Variants in ZNF706 observed in about 807,000 individuals in gnomAD.
ZNF706 encodes the protein transcriptional regulator ZNF706.
A neutral mutation model predicts 9.2 loss-of-function variants in ZNF706; 4 were observed. That is an observed-to-expected ratio of 0.43 (90% CI 0.21 to 0.99). The LOEUF (loss-of-function observed/expected upper bound fraction) is 0.99, where lower values mean the gene tolerates loss of function less well. Ranked by LOEUF, ZNF706 falls within the 50% of genes least tolerant of loss-of-function variation. ZNF706 has a pLI of 0.26. For missense variants in ZNF706, 27 were observed against 87.8 expected (o/e 0.31, Z 2.77); for synonymous variants, 28 against 27.3 (o/e 1.03, Z -0.08).
rs1239982225 is a variant in ZNF706 at position 101,205,391 on chromosome 8, C to G, written c.-3+44G>C. ...CCGCTGGCCGGCCCCCGCCCCGTTT[C>G]CCGGGCGTCCCGCGGCGTCAGCACC... On this transcript the variant is annotated intron_variant, in intron 1 of 3. Coordinates refer to ENST00000311212, the MANE Select transcript of ZNF706 (RefSeq NM_016096.5). This position sits in a 1 kb window ranked among gnomAD's most constrained non-coding sequence, Gnocchi z 6.6. 1 of 151,146 alleles carries G rather than the reference C, an allele frequency of 6.6e-6. No homozygotes were observed. The highest frequency in any genetic ancestry group is 6.6e-5 in the Admixed American group (1 of 15,188). 9.4% of individuals were successfully genotyped at this position (151,146 alleles called of 1,614,324 possible).
intron 2 of ZNF706, chr8:101,200,900 G>A: frequency 5.3e-6 from 1 of 190,182 alleles, no homozygotes; most frequent in Non-Finnish European, 1.2e-5. Flanking sequence ...GGTCCAGAGG[G>A]TGGACTCTGG....
Position 101,201,502 on chromosome 8 carries a change from C to G in ZNF706, c.135+105G>C, listed in dbSNP as rs1220438856. 2.0e-6 allele frequency: 2 copies of G among 1,022,768 alleles called. No homozygotes were observed. The highest frequency in any genetic ancestry group is 4.9e-5 in the East Asian group (2 of 40,528). 63.4% of individuals were successfully genotyped at this position (1,022,768 alleles called of 1,614,324 possible). A position where few individuals can be genotyped will look rare whatever the true frequency, so the allele number is the denominator to read the frequency against. Reference sequence around the variant, plus strand: ...CTAAAATAATCAGCTCTCAAACCTACTATTTCATGTAAAGCATCTATTTTG... The same window carrying G: ...CTAAAATAATCAGCTCTCAAACCTAGTATTTCATGTAAAGCATCTATTTTG... On this transcript the variant is annotated intron_variant, in intron 2 of 3. Transcript: ENST00000311212. The surrounding 1 kb of genome is among the most constrained non-coding windows in gnomAD (Gnocchi z 4.5).
intron 3 of ZNF706, 89 bp from the exon 4 acceptor site, chr8:101,199,328 T>C: frequency 1.5e-6 from 1 of 687,048 alleles, no homozygotes; most frequent in Admixed American, 2.1e-5. Context: ...AGAAACACTA[T>C]GAAGATAATA....
intron 1 of ZNF706, chr8:101,202,795 T>C (rs1005581968): frequency 2.6e-5 from 4 of 152,228 alleles, no homozygotes; most frequent in Non-Finnish European, 4.4e-5. Context: ...ATCATTTACT[T>C]GATCACTCTG....
intron 1 of ZNF706, chr8:101,202,230 G>C (rs1161060284): frequency 1.4e-5 from 2 of 145,248 alleles, no homozygotes; most frequent in Non-Finnish European, 3.0e-5. Context: ...CATGAGGTCA[G>C]GAGTTCAAGA....
Position 101,205,603 on chromosome 8 carries a change from G to A in ZNF706, c.-171C>T, listed in dbSNP as rs868513998. On this transcript the variant is annotated 5_prime_UTR_variant, in exon 1 of 4. Transcript: ENST00000311212. The surrounding 1 kb of genome is among the most constrained non-coding windows in gnomAD (Gnocchi z 6.6). ...AGCACAACAGCCTCGCACGCCCGCCGCCGCCGCGCGCCCGCCGCCGCCTCA... is the reference window on the plus strand; with the variant it reads ...AGCACAACAGCCTCGCACGCCCGCCACCGCCGCGCGCCCGCCGCCGCCTCA... 22 of 144,308 alleles carry A rather than the reference G, an allele frequency of 1.5e-4. No homozygotes were observed. The highest frequency in any genetic ancestry group is 2.9e-3 in the Middle Eastern group (1 of 350). The allele number at this position is 144,308 out of a possible 1,614,324, so 8.9% of individuals were successfully genotyped here.
intron 3 of ZNF706, 90 bp from the exon 4 acceptor site, chr8:101,199,329 G>C: frequency 1.5e-6 from 1 of 686,124 alleles, no homozygotes; most frequent in Non-Finnish European, 2.7e-6. Flanking sequence ...GAAACACTAT[G>C]AAGATAATAT....
intron 1 of ZNF706, chr8:101,204,871 C>T (rs1810695463): frequency 2.0e-5 from 20 of 985,620 alleles, no homozygotes; most frequent in Non-Finnish European, 2.4e-5. Flanking sequence ...AAGGAAGAGG[C>T]CCAGGCAGCG....
chr8:101,203,101 T>C (rs1810623279), intron 1 of ZNF706: 1 of 152,154 alleles, frequency 6.6e-6, no homozygotes, highest in South Asian at 2.1e-4. Flanking sequence ...GTTAAGAGGG[T>C]TCTTTTACAA....
At chr8:101,203,967 T>C (rs1810657796) in intron 1 of ZNF706, 1 of 152,224 alleles carries the variant, frequency 6.6e-6, no homozygotes, top group African/African-American at 2.4e-5. Context: ...CCTTTATGTA[T>C]ACCAATGTTT....
intron 1 of ZNF706, chr8:101,203,049 T>C (rs916650237): frequency 1.3e-5 from 2 of 152,204 alleles, no homozygotes; most frequent in African/African-American, 4.8e-5. Flanking sequence ...AGAAGTTTCT[T>C]TGCTCTCTAG....
Position 101,199,231 on chromosome 8 carries a change from T to C in ZNF706, c.*21A>G, listed in dbSNP as rs1488457068. ...GACAGTAGAAGAGTCAAAGGTGTCA[T>C]GAATTCACCTATAAAACATAAGCAA... On this transcript the variant is annotated 3_prime_UTR_variant, in exon 4 of 4. Coordinates refer to ENST00000311212, the MANE Select transcript of ZNF706 (RefSeq NM_016096.5). 2.0e-5 allele frequency: 14 copies of C among 702,034 alleles called. No homozygotes were observed. The highest frequency in any genetic ancestry group is 3.6e-5 in the Non-Finnish European group (14 of 384,542). 43.5% of individuals were successfully genotyped at this position (702,034 alleles called of 1,614,324 possible).
Position 101,197,143 on chromosome 8 carries a change from G to A in ZNF706, c.*2109C>T, listed in dbSNP as rs1810391347. ...ACATGGGGATGAATATCCATGTGAA[G>A]AGAATGGAAACAAGTTTAATCTTAA... On this transcript the variant is annotated 3_prime_UTR_variant, in exon 4 of 4. Coordinates refer to ENST00000311212, the MANE Select transcript of ZNF706 (RefSeq NM_016096.5). The A allele has an allele frequency of 6.6e-6, 1 of 152,172 alleles. No homozygotes were observed. Among genetic ancestry groups the A allele is most frequent in the Non-Finnish European group, 1.5e-5 (1 of 68,022 alleles). The allele number at this position is 152,172 out of a possible 1,614,324, so 9.4% of individuals were successfully genotyped here. A position where few individuals can be genotyped will look rare whatever the true frequency, so the allele number is the denominator to read the frequency against.
chr8:101,200,217 T>A, intron 2 of ZNF706, 120 bp from the exon 3 acceptor site: 1 of 710,906 alleles, frequency 1.4e-6, no homozygotes, highest in Non-Finnish European at 2.3e-6. Context: ...TTTAAATTCC[T>A]ACAACTTAGT....
chr8:101,200,973 A>G, intron 2 of ZNF706: 1 of 260,994 alleles, frequency 3.8e-6, no homozygotes, highest in South Asian at 3.6e-5. Context: ...CCCCACACAA[A>G]TTGTTTAATT....
chr8:101,205,600 G>GCCGCCGCCGCGCGC lies in ZNF706; in HGVS notation c.-182_-169dup, dbSNP rs1472792527. ...GGGAGCACAACAGCCTCGCACGCCC[G>GCCGCCGCCGCGCGC]CCGCCGCCGCGCGCCCGCCGCCGCC... On this transcript the variant is annotated 5_prime_UTR_variant, in exon 1 of 4. Transcript: ENST00000311212. This position sits in a 1 kb window ranked among gnomAD's most constrained non-coding sequence, Gnocchi z 6.6. The GCCGCCGCCGCGCGC allele has an allele frequency of 4.9e-5, 7 of 143,116 alleles. No homozygotes were observed. The highest frequency in any genetic ancestry group is 1.0e-4 in the African/African-American group (4 of 40,018). The allele number at this position is 143,116 out of a possible 1,614,324, so 8.9% of individuals were successfully genotyped here. A position where few individuals can be genotyped will look rare whatever the true frequency, so the allele number is the denominator to read the frequency against.
chr8:101,204,844 T>G (rs1810693961), intron 1 of ZNF706: 3 of 985,484 alleles, frequency 3.0e-6, no homozygotes, highest in Non-Finnish European at 3.6e-6. Context: ...GTAGGCTCAT[T>G]CTCCATAACC....
chr8:101,197,587 A>G lies in ZNF706; in HGVS notation c.*1665T>C, dbSNP rs565694494. On this transcript the variant is annotated 3_prime_UTR_variant, in exon 4 of 4. Transcript: ENST00000311212. ...GGTTTTATATGATTTGTCACTAAAC[A>G]TATACATATGCTCAAAGCACTTTTA... 113 of 152,276 alleles carry G rather than the reference A, an allele frequency of 7.4e-4. No homozygotes were observed. Among genetic ancestry groups the G allele is most frequent in the African/African-American group, 2.6e-3 (109 of 41,582 alleles). The allele number at this position is 152,276 out of a possible 1,614,324, so 9.4% of individuals were successfully genotyped here.
chr8:101,197,413 A>G lies in ZNF706; in HGVS notation c.*1839T>C, dbSNP rs950135257. Reference sequence around the variant, plus strand: ...GGATGATTATGCTCATGTAAGATCAATGCAGCTATTTCCCTATCACTGAGA... The same window carrying G: ...GGATGATTATGCTCATGTAAGATCAGTGCAGCTATTTCCCTATCACTGAGA... On this transcript the variant is annotated 3_prime_UTR_variant, in exon 4 of 4. Transcript: ENST00000311212. 1 of 152,182 alleles carries G rather than the reference A, an allele frequency of 6.6e-6. No homozygotes were observed. The highest frequency in any genetic ancestry group is 6.5e-5 in the Admixed American group (1 of 15,278). The allele number at this position is 152,182 out of a possible 1,614,324, so 9.4% of individuals were successfully genotyped here.
Sources: allele counts gnomAD v4.1 joint callset, GRCh38; gene constraint gnomAD v4.1.1; non-coding constraint Gnocchi (gnomAD v3.1); transcripts MANE v1.5; gene names NCBI Gene and HGNC (gene_info 2026-07-23, HGNC 2026-07-21).